Variants in LDLRAP1 observed in about 807,000 individuals in gnomAD.
LDLRAP1 encodes the protein low density lipoprotein receptor adaptor protein 1.
A neutral mutation model predicts 37.8 loss-of-function variants in LDLRAP1; 30 were observed. That is an observed-to-expected ratio of 0.79 (90% confidence interval 0.59 to 1.08). The LOEUF (loss-of-function observed/expected upper bound fraction) is 1.08, where lower values mean the gene tolerates loss of function less well. LDLRAP1 is among the 50% of genes least tolerant of loss of function. The pLI is 0.00. For missense variants in LDLRAP1, 375 were observed against 401.6 expected, an observed-to-expected ratio of 0.93 and a Z score of 0.57; for synonymous variants, 156 against 169.8, an observed-to-expected ratio of 0.92 and a Z score of 0.63.
intron 7 of LDLRAP1, 104 bp downstream of exon 7, chr1:25,563,895 C>T: frequency 6.6e-7 from 1 of 1,506,312 alleles, no homozygotes; most frequent in Non-Finnish European, 9.1e-7. Flanking sequence ...ACTTGTGGGC[C>T]TCTGGGAGGA....
At chr1:25,582,577 C>G in the LDLRAP1 span, among the ~76,000 whole-genome samples, 2 of 132,360 alleles carry the variant, frequency 1.5e-5, no homozygotes, top group African/African-American at 6.8e-5. Flanking sequence ...GAGCGAGACC[C>G]CATCTCAAAA....
chr1:25,585,837 A>C, the LDLRAP1 span, among the ~76,000 whole-genome samples: 1 of 152,184 alleles, frequency 6.6e-6, no homozygotes, highest in Non-Finnish European at 1.5e-5. Flanking sequence ...AGGAGGCCTG[A>C]TTGGCAAGAG....
intron 1 of LDLRAP1, among the ~76,000 whole-genome samples, chr1:25,551,388 T>C (rs1179736381): frequency 2.0e-5 from 3 of 152,234 alleles, no homozygotes; most frequent in Admixed American, 6.5e-5. Flanking sequence ...TATGGTCTCA[T>C]GGTCAGGAGC....
At chr1:25,553,770 C>CAA (rs34367689) in intron 1 of LDLRAP1, 152 bp from the exon 2 acceptor site, 1,440 of 599,908 alleles carry the variant, frequency 2.4e-3, no homozygotes, top group East Asian at 2.8e-3. Flanking sequence ...AACTCAGTCT[C>CAA]AAAAAAAAAA....
chr1:25,569,420 T>G (rs2044570769), downstream of LDLRAP1, among the ~76,000 whole-genome samples: 1 of 152,098 alleles, frequency 6.6e-6, no homozygotes, highest in African/African-American at 2.4e-5. Flanking sequence ...GGGAAGTATT[T>G]CAGTGTCTTG....
chr1:25,563,578 G>GT (rs1221938326), intron 6 of LDLRAP1, 83 bp from the exon 7 acceptor site: 2 of 1,580,252 alleles, frequency 1.3e-6, no homozygotes, highest in Admixed American at 1.7e-5. Context: ...CAGAGGGGAG[G>GT]GTCAGGGCCA....
chr1:25,557,291 G>A (rs1557703478), intron 4 of LDLRAP1, 24 bp downstream of exon 4: 3 of 1,576,558 alleles, frequency 1.9e-6, no homozygotes, highest in African/African-American at 2.7e-5. Context: ...GCTGGGGCGG[G>A]GACAGGGTCC....
At chr1:25,561,437 AAGG>A (rs779047647) in intron 4 of LDLRAP1, among the ~76,000 whole-genome samples, 24 of 152,172 alleles carry the variant, frequency 1.6e-4, no homozygotes, top group Admixed American at 3.9e-4. Flanking sequence ...ATTTTTTTAA[AAGG>A]AGTTTTAAAG....
intron 8 of LDLRAP1, 68 bp from the exon 9 acceptor site, chr1:25,566,780 C>T: frequency 6.4e-7 from 1 of 1,560,082 alleles, no homozygotes; most frequent in Non-Finnish European, 8.7e-7. Context: ...CTGGTGCCCC[C>T]TCGCGTCTGA....
rs2044501951 is a variant in LDLRAP1, at chr1:25,567,001, G to A, written c.*9G>A. The A allele has an allele frequency of 2.5e-6, 4 of 1,613,186 alleles. No homozygotes were observed. Among genetic ancestry groups the A allele is most frequent in the Non-Finnish European group, 3.4e-6 (4 of 1,180,014 alleles). The stretch of plus-strand genomic sequence containing the variant: ...ACCTCTTCAGCTTCTGAGGGCCCGG[G>A]GCCAGCCGGACACAAGCGGCCCTGA... On this transcript the variant is annotated 3_prime_UTR_variant, in exon 9 of 9. Coordinates refer to ENST00000374338, the MANE Select transcript of LDLRAP1 (RefSeq NM_015627.3).
Position 25,557,232 on chromosome 1 carries a change from G to C in LDLRAP1, c.424G>C (p.Glu142Gln), listed in dbSNP as rs1460110014. ...IAQSQHNQSL[E>Q]CHAFLCTKRK... ...CCAGAGCCAGCACAACCAGAGCCTC[G>C]AGTGCCACGCCTTCCTCTGCACCAA... The change falls in exon 4 of 9, where the codon GAG (glutamate) becomes CAG (glutamine). Residue 142 changes from glutamate (E) to glutamine (Q), a missense_variant. By Grantham distance (29) the Glu-to-Gln change is conservative. Transcript: ENST00000374338. The C allele has an allele frequency of 6.2e-7, 1 of 1,614,118 alleles. No individual in the cohort carries two copies. The highest frequency in any genetic ancestry group is 8.5e-7 in the Non-Finnish European group (1 of 1,179,986).
Position 25,567,006 on chromosome 1 carries a change from G to C in LDLRAP1, c.*14G>C. 6.2e-7 allele frequency: 1 copy of C among 1,613,158 alleles called. No individual in the cohort carries two copies. The highest frequency in any genetic ancestry group is 8.5e-7 in the Non-Finnish European group (1 of 1,179,998). Reference sequence around the variant, plus strand: ...TTCAGCTTCTGAGGGCCCGGGGCCAGCCGGACACAAGCGGCCCTGACACGT... The same window carrying C: ...TTCAGCTTCTGAGGGCCCGGGGCCACCCGGACACAAGCGGCCCTGACACGT... On this transcript the variant is annotated 3_prime_UTR_variant, in exon 9 of 9. Transcript: ENST00000374338.
At chr1:25,569,646 C>A (rs1190806063), downstream of LDLRAP1, among the ~76,000 whole-genome samples, 1 of 152,210 alleles carries the variant, frequency 6.6e-6, no homozygotes, top group Non-Finnish European at 1.5e-5. Flanking sequence ...GCAACTGGAA[C>A]TCAATATGTC....
chr1:25,558,105 G>A (rs931633379), intron 4 of LDLRAP1, among the ~76,000 whole-genome samples: 18 of 152,126 alleles, frequency 1.2e-4, no homozygotes, highest in Admixed American at 4.6e-4. Context: ...CTGAATTTGG[G>A]GGCAAGAAGT....
chr1:25,573,668 T>A (rs1157100433), downstream of LDLRAP1, among the ~76,000 whole-genome samples: 2 of 152,142 alleles, frequency 1.3e-5, no homozygotes, highest in African/African-American at 4.8e-5. Context: ...CTGCCACACC[T>A]ATGTCGGGAG....
At chr1:25,574,065 G>A in the LDLRAP1 span, among the ~76,000 whole-genome samples, 1 of 152,246 alleles carries the variant, frequency 6.6e-6, no homozygotes, top group African/African-American at 2.4e-5. Context: ...CTGCACCTGG[G>A]GTGGTCAGAG....
the LDLRAP1 span, among the ~76,000 whole-genome samples, chr1:25,580,587 A>C: frequency 1.3e-5 from 2 of 152,168 alleles, no homozygotes; most frequent in African/African-American, 4.8e-5. Context: ...AGCTCATTGC[A>C]GCCTTGACGT....
chr1:25,547,174 A>G (rs1364974811), intron 1 of LDLRAP1, among the ~76,000 whole-genome samples: 1 of 152,174 alleles, frequency 6.6e-6, no homozygotes, highest in African/African-American at 2.4e-5. Context: ...GGGAGTCCAC[A>G]AAGTGGGCAT....
rs1212112219 is a variant in LDLRAP1 at position 25,553,918 on chromosome 1, C to G, written c.89-4C>G. 2.5e-6 allele frequency: 4 copies of G among 1,613,400 alleles called. No homozygotes were observed. Among genetic ancestry groups the G allele is most frequent in the Non-Finnish European group, 3.4e-6 (4 of 1,179,930 alleles). ...GTCTGAGGGCCTACCCTGTGCTACC[C>G]CAGAGCTGCCTGAGAACTGGACAGA... On this transcript the variant is annotated splice_region_variant and splice_polypyrimidine_tract_variant and intron_variant, in intron 1 of 8. Transcript: ENST00000374338.
Sources: gnomAD v4.1 joint callset for allele counts (sites outside exome capture counted in the v4.1 genomes callset) on GRCh38, gnomAD v4.1.1 for gene constraint, MANE v1.5 for transcripts, NCBI Gene and HGNC (gene_info 2026-07-23, HGNC 2026-07-21) for gene names.